Variants in FBXW7 observed in about 807,000 individuals in gnomAD.
FBXW7 encodes F-box/WD repeat-containing protein 7.
In FBXW7, 11 loss-of-function variants were observed where a neutral mutation model predicts 86.3. The observed-to-expected ratio is 0.13, with a 90% CI of 0.08 to 0.21. FBXW7 has a LOEUF of 0.21. FBXW7 is among the 10% of genes least tolerant of loss of function. The probability of loss-of-function intolerance (pLI) is 1.00; values close to 1 mark genes in which losing one functional copy is unlikely to be tolerated. For missense variants in FBXW7, 488 were observed against 847.4 expected, an observed-to-expected ratio of 0.58 and a Z score of 5.27; for synonymous variants, 313 against 297.9, an observed-to-expected ratio of 1.05 and a Z score of -0.52.
intron 11 of FBXW7, among the ~76,000 whole-genome samples, chr4:152,327,729 C>T (rs190369809): frequency 6.6e-6 from 1 of 151,962 alleles, no homozygotes. Context: ...AGTTAGAAAG[C>T]TGTGACAATA....
intron 4 of FBXW7, among the ~76,000 whole-genome samples, chr4:152,399,697 A>G (rs1290261543): frequency 3.3e-5 from 5 of 152,218 alleles, no homozygotes; most frequent in Non-Finnish European, 7.3e-5. Context: ...CAAATACAGT[A>G]TCATTTACAT....
intron 11 of FBXW7, among the ~76,000 whole-genome samples, 196 bp from the exon 12 acceptor site, chr4:152,326,427 T>G (rs1478056491): frequency 6.6e-6 from 1 of 151,568 alleles, no homozygotes; most frequent in Admixed American, 6.6e-5. Flanking sequence ...GAATGGGAAG[T>G]TGGGAAGCCT....
At chr4:152,506,504 AG>A (rs1202291643) in intron 2 of FBXW7, among the ~76,000 whole-genome samples, 1 of 152,230 alleles carries the variant, frequency 6.6e-6, no homozygotes, top group South Asian at 2.1e-4. Context: ...CACATGAGTA[AG>A]GTACAGCACT....
At chr4:152,355,964 A>T (rs189438232) in intron 4 of FBXW7, among the ~76,000 whole-genome samples, 1 of 152,316 alleles carries the variant, frequency 6.6e-6, no homozygotes. Flanking sequence ...AAGAAAAAAT[A>T]GTGTATATAC....
At chr4:152,470,875 A>C (rs962091975) in intron 2 of FBXW7, among the ~76,000 whole-genome samples, 1 of 152,154 alleles carries the variant, frequency 6.6e-6, no homozygotes, top group Non-Finnish European at 1.5e-5. Context: ...CAGTATTTTT[A>C]AACTACCAGT....
chr4:152,503,242 G>C (rs1281552966), intron 2 of FBXW7, among the ~76,000 whole-genome samples: 1 of 152,030 alleles, frequency 6.6e-6, no homozygotes, highest in South Asian at 2.1e-4. Flanking sequence ...TTTAGCTTTA[G>C]ATGAGCCATG....
At chr4:152,376,860 T>G (rs1734575121) in intron 4 of FBXW7, among the ~76,000 whole-genome samples, 1 of 152,022 alleles carries the variant, frequency 6.6e-6, no homozygotes, top group African/African-American at 2.4e-5. Flanking sequence ...AGGACAAACA[T>G]GCATACGGTC....
intron 5 of FBXW7, among the ~76,000 whole-genome samples, chr4:152,348,372 TG>T (rs1268705143): frequency 6.6e-6 from 1 of 152,070 alleles, no homozygotes; most frequent in African/African-American, 2.4e-5. Context: ...AAATTTTTGA[TG>T]GAAAAATCAT....
At chr4:152,377,114 T>G (rs1342450420) in intron 4 of FBXW7, among the ~76,000 whole-genome samples, 1 of 151,948 alleles carries the variant, frequency 6.6e-6, no homozygotes, top group Non-Finnish European at 1.5e-5. Context: ...TGAAACGTGT[T>G]AAGTTCACAA....
intron 4 of FBXW7, among the ~76,000 whole-genome samples, chr4:152,393,009 C>T (rs1025056680): frequency 6.6e-6 from 1 of 152,062 alleles, no homozygotes; most frequent in African/African-American, 2.4e-5. Flanking sequence ...ATGCTTTTGT[C>T]TATATTCCAA....
intron 4 of FBXW7, among the ~76,000 whole-genome samples, chr4:152,363,969 T>A (rs1446770250): frequency 6.6e-6 from 1 of 152,160 alleles, no homozygotes; most frequent in Non-Finnish European, 1.5e-5. Flanking sequence ...TCTAAGATGT[T>A]TTCTTAGTTA....
chr4:152,376,585 A>T (rs1579037240), intron 4 of FBXW7, among the ~76,000 whole-genome samples: 1 of 152,252 alleles, frequency 6.6e-6, no homozygotes, highest in African/African-American at 2.4e-5. Flanking sequence ...TGAGAATGAG[A>T]AGATTAAAAT....
At chr4:152,372,092 T>A (rs1234435063) in intron 4 of FBXW7, among the ~76,000 whole-genome samples, 2 of 152,040 alleles carry the variant, frequency 1.3e-5, no homozygotes, top group Non-Finnish European at 2.9e-5. Context: ...ATAAGTCTAT[T>A]AGCATGAGCT....
At chr4:152,448,460 G>T (rs926142750) in intron 2 of FBXW7, among the ~76,000 whole-genome samples, 1 of 152,084 alleles carries the variant, frequency 6.6e-6, no homozygotes, top group African/African-American at 2.4e-5. Context: ...ACCTTTGGTT[G>T]CCTGGGACAT....
chr4:152,535,484 C>T lies in FBXW7; in HGVS notation c.-570G>A, dbSNP rs1424974219. On this transcript the variant is annotated 5_prime_UTR_variant, in exon 1 of 14. Transcript: ENST00000281708. ...CAGCCGCCGCTTCACATCGGGGTCC[C>T]CGCCCCCCCGGCCGGGGGGTGGTTG... 1.5e-5 allele frequency: 6 copies of T among 394,272 alleles called. No homozygotes were observed. The allele number at this position is 394,272 out of a possible 1,614,324, so 24.4% of individuals were successfully genotyped here.
At chr4:152,367,680 A>G (rs1234668825) in intron 4 of FBXW7, among the ~76,000 whole-genome samples, 1 of 152,124 alleles carries the variant, frequency 6.6e-6, no homozygotes, top group Non-Finnish European at 1.5e-5. Flanking sequence ...CTTAATCTTC[A>G]ACGTAGTCAA....
At chr4:152,508,032 C>A (rs778164179) in intron 2 of FBXW7, among the ~76,000 whole-genome samples, 1 of 151,510 alleles carries the variant, frequency 6.6e-6, no homozygotes, top group African/African-American at 2.4e-5. Context: ...CATACCACTG[C>A]GCACTCCAGC....
intron 2 of FBXW7, among the ~76,000 whole-genome samples, chr4:152,497,168 C>T (rs909517579): frequency 1.3e-5 from 2 of 151,674 alleles, no homozygotes; most frequent in African/African-American, 4.8e-5. Flanking sequence ...ACTAAAAATA[C>T]AAAAATTAGC....
At chr4:152,450,471 T>C (rs2127014893) in intron 2 of FBXW7, among the ~76,000 whole-genome samples, 1 of 152,298 alleles carries the variant, frequency 6.6e-6, no homozygotes, top group South Asian at 2.1e-4. Flanking sequence ...ACTTCTAAAA[T>C]CTAGCTATAC....
Sources: allele counts gnomAD v4.1 joint callset (sites outside exome capture counted in the v4.1 genomes callset), GRCh38; gene constraint gnomAD v4.1.1; transcripts MANE v1.5; gene names NCBI Gene and HGNC (gene_info 2026-07-23, HGNC 2026-07-21).